The following NEBL variants were observed in gnomAD, a reference collection of about 807,000 sequenced individuals.
NEBL encodes LIM and SH3 protein 2.
In NEBL, 122 loss-of-function variants were observed where a neutral mutation model predicts 140.2. That is an observed-to-expected ratio of 0.87 (90% CI 0.75 to 1.01). NEBL has a LOEUF of 1.01. Ranked by LOEUF, NEBL falls within the 50% of genes least tolerant of loss-of-function variation. The pLI is 0.00. For synonymous variants in NEBL, 436 were observed against 398.9 expected (o/e 1.09, Z -1.11); for missense variants, 1,365 against 1,231.3 (o/e 1.11, Z -1.62).
intron 2 of NEBL, among the ~76,000 whole-genome samples, chr10:21,145,188 C>G (rs1265367912): frequency 6.6e-6 from 1 of 152,152 alleles, no homozygotes; most frequent in Non-Finnish European, 1.5e-5. Context: ...TTGTCTGGGA[C>G]AGTAGGTTGC....
chr10:20,922,094 G>C (rs1006201497), intron 4 of NEBL, among the ~76,000 whole-genome samples: 10 of 152,188 alleles, frequency 6.6e-5, no homozygotes, highest in Non-Finnish European at 1.2e-4. Flanking sequence ...TATGGACACT[G>C]TATGACAGAG....
chr10:21,161,961 A>G (rs187689989), intron 2 of NEBL, among the ~76,000 whole-genome samples: 1 of 152,326 alleles, frequency 6.6e-6, no homozygotes, highest in African/African-American at 2.4e-5. Flanking sequence ...TGCACCAGAA[A>G]AACCAACTCT....
At chr10:21,250,013 A>G (rs900329365) in intron 2 of NEBL, among the ~76,000 whole-genome samples, 2 of 152,182 alleles carry the variant, frequency 1.3e-5, no homozygotes, top group Non-Finnish European at 2.9e-5. Context: ...GCAATGAGCC[A>G]AGATCACGCC....
chr10:20,787,583 A>G (rs1258663184), intron 26 of NEBL, among the ~76,000 whole-genome samples: 1 of 150,512 alleles, frequency 6.6e-6, no homozygotes, highest in Non-Finnish European at 1.5e-5. Context: ...TTAAAAACAT[A>G]AACAAAAATT....
intron 2 of NEBL, among the ~76,000 whole-genome samples, chr10:21,047,255 T>C (rs891419050): frequency 2.0e-5 from 3 of 152,326 alleles, no homozygotes; most frequent in Non-Finnish European, 4.4e-5. Flanking sequence ...ACACTGATTA[T>C]GGTCATGAAT....
At chr10:20,812,079 T>C (rs1221291821) in intron 24 of NEBL, among the ~76,000 whole-genome samples, 1 of 152,176 alleles carries the variant, frequency 6.6e-6, no homozygotes, top group Non-Finnish European at 1.5e-5. Flanking sequence ...ATTTTTAAAA[T>C]GAGCTATTAC....
chr10:21,206,968 C>CTTTTTT (rs1028716031), intron 3 of NEBL, among the ~76,000 whole-genome samples: 8 of 99,132 alleles, frequency 8.1e-5, no homozygotes, highest in East Asian at 2.8e-4. Context: ...CTTTTTCTTT[C>CTTTTTT]TTTTTTTTTT....
intron 2 of NEBL, among the ~76,000 whole-genome samples, chr10:21,132,243 G>A (rs1023747276): frequency 3.9e-5 from 6 of 152,042 alleles, no homozygotes; most frequent in Non-Finnish European, 7.4e-5. Context: ...ATCATATGTG[G>A]CCTTTAGTGT....
At chr10:20,800,565 C>T (rs1039598357) in intron 26 of NEBL, among the ~76,000 whole-genome samples, 2 of 152,096 alleles carry the variant, frequency 1.3e-5, no homozygotes, top group South Asian at 2.1e-4. Flanking sequence ...TTTTCCACAA[C>T]GGCTCTACCA....
At chr10:21,287,514 T>C (rs1183062660) in intron 1 of NEBL, among the ~76,000 whole-genome samples, 1 of 152,082 alleles carries the variant, frequency 6.6e-6, no homozygotes, top group Non-Finnish European at 1.5e-5. Context: ...TCAGCTTGGG[T>C]GACAGAGTGA....
intron 26 of NEBL, chr10:20,793,426 G>A: frequency 2.4e-6 from 2 of 849,252 alleles, no homozygotes; most frequent in Non-Finnish European, 2.8e-6. Flanking sequence ...GGAAGAATCA[G>A]TTACTTGCAG....
chr10:21,004,899 C>T (rs530262044), intron 3 of NEBL, among the ~76,000 whole-genome samples: 2 of 152,316 alleles, frequency 1.3e-5, no homozygotes, highest in East Asian at 1.9e-4. Flanking sequence ...AGCATCTCAC[C>T]TTTCTTTTTC....
In NEBL at chr10:20,868,578, T is replaced by C; in HGVS notation, c.684+86A>G. 4.3e-6 allele frequency: 4 copies of C among 927,366 alleles called. No individual in the cohort carries two copies. In the South Asian group the frequency reaches 5.2e-5, roughly 12 times the overall value. 57.4% of individuals were successfully genotyped at this position (927,366 alleles called of 1,614,324 possible). On this transcript the variant is annotated intron_variant, in intron 7 of 27. Coordinates refer to ENST00000377122, the MANE Select transcript of NEBL (RefSeq NM_006393.3). The stretch of plus-strand genomic sequence containing the variant: ...CTCTGTTTATTCTTGCAATTAAAGA[T>C]ATTATCTAAAATGCAATATTCTCCT...
At chr10:21,146,548 G>A (rs774143997) in intron 2 of NEBL, 1 of 1,517,228 alleles carries the variant, frequency 6.6e-7, no homozygotes, top group South Asian at 1.2e-5. Flanking sequence ...AAATGGTGCT[G>A]TGTTTGGGCA....
chr10:20,885,700 A>T (rs1327384190), intron 4 of NEBL, among the ~76,000 whole-genome samples: 1 of 152,250 alleles, frequency 6.6e-6, no homozygotes, highest in Non-Finnish European at 1.5e-5. Context: ...GAAGTATAAA[A>T]GCAATAATAG....
chr10:20,868,496 C>T, intron 7 of NEBL, 168 bp downstream of exon 7: 2 of 617,694 alleles, frequency 3.2e-6, no homozygotes, highest in African/African-American at 1.9e-5. Context: ...AATTTTTTTC[C>T]TTTACTGAAA....
chr10:20,957,062 G>C (rs1032146346), intron 4 of NEBL, among the ~76,000 whole-genome samples: 1 of 152,154 alleles, frequency 6.6e-6, no homozygotes, highest in African/African-American at 2.4e-5. Flanking sequence ...TACAAACAGA[G>C]ACCAAATCCC....
chr10:20,790,422 G>A (rs150572829), intron 26 of NEBL, among the ~76,000 whole-genome samples: 1,864 of 151,882 alleles, frequency 0.012, 43 homozygotes, highest in African/African-American at 0.041. Flanking sequence ...AGCCAACATG[G>A]TGAAACCATC....
intron 4 of NEBL, among the ~76,000 whole-genome samples, chr10:20,910,343 C>G (rs553720689): frequency 5.6e-4 from 86 of 152,282 alleles, no homozygotes; most frequent in African/African-American, 1.7e-3. Context: ...GCTATTTAAT[C>G]ATGTAGCTTC....
Sources: gnomAD v4.1 joint callset for allele counts (sites outside exome capture counted in the v4.1 genomes callset) on GRCh38, gnomAD v4.1.1 for gene constraint, MANE v1.5 for transcripts, NCBI Gene and HGNC (gene_info 2026-07-23, HGNC 2026-07-21) for gene names.